The following AXDND1 variants were observed in gnomAD, a reference collection of about 807,000 sequenced individuals.
AXDND1 encodes the protein axonemal dynein light chain domain-containing protein 1.
Under a neutral mutation model 137.5 loss-of-function variants are expected in AXDND1, and 110 were observed. The ratio of observed to expected loss-of-function variants is 0.80; its 90% confidence interval spans 0.69 to 0.94. The LOEUF is 0.94. AXDND1 is among the 40% of genes least tolerant of loss of function. The pLI is 0.00. For synonymous variants in AXDND1, 414 were observed against 399.7 expected (o/e 1.04, Z -0.43); for missense variants, 1,191 against 1,169.8 (o/e 1.02, Z -0.26).
chr1:179,516,812 A>G (rs1444726759), intron 21 of AXDND1, among the ~76,000 whole-genome samples: 1 of 152,184 alleles, frequency 6.6e-6, no homozygotes, highest in Non-Finnish European at 1.5e-5. Flanking sequence ...TGAACCGTCT[A>G]TGGCTCCCTC....
At chr1:179,406,029 C>T (rs1652898907) in intron 11 of AXDND1, among the ~76,000 whole-genome samples, 1 of 152,032 alleles carries the variant, frequency 6.6e-6, no homozygotes, top group Non-Finnish European at 1.5e-5. Flanking sequence ...TCCCTCTTAG[C>T]ACTACTTTTG....
chr1:179,486,137 A>AC lies in AXDND1; in HGVS notation c.2091+2916_2091+2917insC, dbSNP rs1375029087. ...TCTGTCTCAAAAAAAAAAAAAAAAA[A>AC]AAAACCTGATAGAAATGAAAAACAC... On this transcript the variant is annotated intron_variant, in intron 18 of 25. Coordinates refer to ENST00000367618, the MANE Select transcript of AXDND1 (RefSeq NM_144696.6). Among the ~76,000 whole-genome samples, 129 of 123,426 alleles carry AC rather than the reference A, an allele frequency of 1.0e-3. 12 individuals are homozygous for AC. The highest frequency in any genetic ancestry group is 1.6e-3 in the Admixed American group (18 of 11,204). 81.0% of individuals were successfully genotyped at this position (123,426 alleles called of 152,430 possible).
At chr1:179,396,710 CGTT>C (rs1651134753) in intron 11 of AXDND1, among the ~76,000 whole-genome samples, 2 of 151,792 alleles carry the variant, frequency 1.3e-5, no homozygotes, top group African/African-American at 4.8e-5. Flanking sequence ...GAGATCTTCT[CGTT>C]ATGATGCATA....
intron 25 of AXDND1, among the ~76,000 whole-genome samples, chr1:179,536,830 C>T (rs1205783206): frequency 6.6e-6 from 1 of 152,196 alleles, no homozygotes; most frequent in Non-Finnish European, 1.5e-5. Flanking sequence ...GATATTGATT[C>T]TTCCTATCCA....
chr1:179,403,852 C>T (rs1017765353), intron 11 of AXDND1, among the ~76,000 whole-genome samples: 11 of 152,192 alleles, frequency 7.2e-5, no homozygotes, highest in African/African-American at 2.7e-4. Flanking sequence ...GCTGAGATTA[C>T]AGGCATGAGC....
chr1:179,367,565 G>A (rs1251849600), intron 2 of AXDND1, among the ~76,000 whole-genome samples: 3 of 151,024 alleles, frequency 2.0e-5, no homozygotes, highest in African/African-American at 4.9e-5. Context: ...GGTGAAACCC[G>A]GTCTCTACTA....
intron 16 of AXDND1, chr1:179,452,711 A>G (rs1285582607): frequency 6.7e-6 from 1 of 150,192 alleles, no homozygotes; most frequent in Non-Finnish European, 1.5e-5. Flanking sequence ...AAAAAAAAAA[A>G]AAAAAAAAAA....
chr1:179,472,932 T>A (rs909587896), intron 17 of AXDND1, among the ~76,000 whole-genome samples: 1 of 152,154 alleles, frequency 6.6e-6, no homozygotes, highest in Non-Finnish European at 1.5e-5. Flanking sequence ...ACCATATAGT[T>A]GATTCATGTT....
chr1:179,454,233 C>T (rs1660956042), intron 16 of AXDND1: 1 of 152,264 alleles, frequency 6.6e-6, no homozygotes, highest in Non-Finnish European at 1.5e-5. Context: ...CTTTCCCATG[C>T]TGTTCTCATG....
intron 16 of AXDND1, chr1:179,448,893 T>A (rs968551915): frequency 4.5e-5 from 4 of 89,678 alleles, no homozygotes; most frequent in Admixed American, 3.0e-4. Context: ...TGAGTTAATT[T>A]TTTTTTTTTT....
intron 25 of AXDND1, chr1:179,544,795 TC>T (rs1672502574): frequency 6.6e-6 from 1 of 152,184 alleles, no homozygotes; most frequent in African/African-American, 2.4e-5. Flanking sequence ...ATTTATCTGA[TC>T]TTTGCAATAA....
At chr1:179,519,560 T>C (rs1669864902) in intron 21 of AXDND1, among the ~76,000 whole-genome samples, 1 of 152,228 alleles carries the variant, frequency 6.6e-6, no homozygotes, top group Non-Finnish European at 1.5e-5. Context: ...CAGTTAATTT[T>C]TGTATATGGC....
intron 17 of AXDND1, among the ~76,000 whole-genome samples, chr1:179,472,017 C>A (rs948459353): frequency 8.5e-5 from 13 of 152,054 alleles, no homozygotes; most frequent in African/African-American, 3.1e-4. Flanking sequence ...GCCTCAGCCT[C>A]CCGAGTAGCT....
At chr1:179,486,986 AATGGGCTAAATGCCCC>A (rs1478591428) in intron 18 of AXDND1, among the ~76,000 whole-genome samples, 1 of 148,596 alleles carries the variant, frequency 6.7e-6, no homozygotes, top group Non-Finnish European at 1.5e-5. Context: ...CTTGAACATA[AATGGGCTAAATGCCCC>A]AATTAAAAGG....
At chr1:179,481,989 G>T (rs56392198) in intron 17 of AXDND1, among the ~76,000 whole-genome samples, 16,337 of 151,524 alleles carry the variant, frequency 0.11, 1,005 homozygotes, top group African/African-American at 0.14. Context: ...CCACTGAATT[G>T]CATTTCACCA....
At chr1:179,366,951 G>A (rs1166876981) in intron 2 of AXDND1, among the ~76,000 whole-genome samples, 2 of 152,184 alleles carry the variant, frequency 1.3e-5, no homozygotes, top group African/African-American at 2.4e-5. Context: ...AGGGCGCGGT[G>A]GCTCACGCCT....
chr1:179,536,772 G>T (rs1017840578), intron 25 of AXDND1, among the ~76,000 whole-genome samples: 2 of 152,168 alleles, frequency 1.3e-5, no homozygotes, highest in Non-Finnish European at 1.5e-5. Flanking sequence ...ACTTGGTGGG[G>T]ATAGCATTGA....
intron 4 of AXDND1, among the ~76,000 whole-genome samples, chr1:179,372,553 T>C (rs2125051628): frequency 1.3e-5 from 2 of 152,064 alleles, no homozygotes; most frequent in Middle Eastern, 6.8e-3. Flanking sequence ...AGTTATTATG[T>C]TATGATTAAG....
At position 179,492,904 on chromosome 1, in the gene AXDND1, TCA is replaced by T. The variant is rs775740800; in HGVS notation, c.2346_2347del (p.His782GlnfsTer5). On this transcript the variant is annotated frameshift_variant, in exon 20 of 26. Transcript: ENST00000367618. LOFTEE classifies it high-confidence loss of function. ...AATGGCTCTGAGTAAATCCACTAAC[TCA>T]CACAAAAATGCTACTGAAGACCTTT... is the stretch of plus-strand genomic sequence containing the variant. ...TAMALSKSTN[S>X]HKNATEDLYE... 5.0e-6 allele frequency: 8 copies of T among 1,611,846 alleles called. No homozygotes were observed. The highest frequency in any genetic ancestry group is 2.7e-5 in the African/African-American group (2 of 74,864).
Sources: gnomAD v4.1 joint callset for allele counts (sites outside exome capture counted in the v4.1 genomes callset) on GRCh38, gnomAD v4.1.1 for gene constraint, MANE v1.5 for transcripts, NCBI Gene and HGNC (gene_info 2026-07-23, HGNC 2026-07-21) for gene names.